The following CNKSR2 variants were observed in gnomAD, a reference collection of about 807,000 sequenced individuals.
The protein encoded by CNKSR2 is CNK homolog protein 2.
CNKSR2 carries 14 observed loss-of-function variants against 84.4 expected under a neutral mutation model. The observed-to-expected ratio is 0.17, with a 90% confidence interval of 0.11 to 0.26. The LOEUF is 0.26. Ranked by LOEUF, CNKSR2 falls within the 10% of genes least tolerant of loss-of-function variation. The probability of loss-of-function intolerance (pLI) is 1.00; values close to 1 mark genes in which losing one functional copy is unlikely to be tolerated. For missense variants in CNKSR2, 485 were observed against 771.2 expected (o/e 0.63, Z 4.40); for synonymous variants, 275 against 277.9 (o/e 0.99, Z 0.10).
chrX:21,633,532 A>C (rs2092657405), intron 20 of CNKSR2, among the ~76,000 whole-genome samples: 1 of 112,039 alleles, frequency 8.9e-6, no homozygotes, highest in Non-Finnish European at 1.9e-5. Flanking sequence ...ATGTTGTAGG[A>C]TACAGAGAAC....
At chrX:21,604,124 C>T (rs1602018329) in intron 18 of CNKSR2, among the ~76,000 whole-genome samples, 1 of 112,140 alleles carries the variant, frequency 8.9e-6, no homozygotes, top group East Asian at 2.8e-4. Context: ...ACTGAAATTT[C>T]TATGTAGCCT....
chrX:21,384,465 T>C (rs1043486932), intron 1 of CNKSR2, among the ~76,000 whole-genome samples: 2 of 112,227 alleles, frequency 1.8e-5, no homozygotes, highest in African/African-American at 3.2e-5. Context: ...TTGGGTTAGA[T>C]GATTTTTCTT....
intron 11 of CNKSR2, among the ~76,000 whole-genome samples, chrX:21,536,451 A>G (rs1474027926): frequency 9.0e-6 from 1 of 110,799 alleles, no homozygotes; most frequent in Admixed American, 9.6e-5. Context: ...TTATTCTTTA[A>G]AAGTTTGGTA....
intron 2 of CNKSR2, among the ~76,000 whole-genome samples, chrX:21,431,084 A>G (rs2090628442): frequency 8.9e-6 from 1 of 111,948 alleles, no homozygotes; most frequent in African/African-American, 3.2e-5. Flanking sequence ...TAGTGGTAAC[A>G]TACATAACTT....
At chrX:21,489,660 C>T (rs769370106) in intron 5 of CNKSR2, among the ~76,000 whole-genome samples, 1 of 112,003 alleles carries the variant, frequency 8.9e-6, no homozygotes, top group Admixed American at 9.5e-5. Context: ...ACAGTTAGTA[C>T]GAATGGATTT....
At chrX:21,386,549 A>T (rs1331385140) in intron 1 of CNKSR2, among the ~76,000 whole-genome samples, 1 of 112,362 alleles carries the variant, frequency 8.9e-6, no homozygotes, top group Non-Finnish European at 1.9e-5. Flanking sequence ...AAAGTGATAC[A>T]CATAATTTTG....
chrX:21,588,372 G>C (rs1046138700), intron 13 of CNKSR2, among the ~76,000 whole-genome samples: 1 of 112,381 alleles, frequency 8.9e-6, no homozygotes, highest in African/African-American at 3.2e-5. Context: ...AGACCTAACT[G>C]TATAGTTTTA....
intron 20 of CNKSR2, among the ~76,000 whole-genome samples, chrX:21,628,741 G>A (rs944163291): frequency 2.7e-5 from 3 of 111,324 alleles, no homozygotes; most frequent in Non-Finnish European, 3.8e-5. Flanking sequence ...CCCAGCCCAC[G>A]AAACCACTTT....
At chrX:21,432,885 T>C (rs1045244943) in intron 3 of CNKSR2, 71 bp downstream of exon 3, 27 of 1,086,295 alleles carry the variant, frequency 2.5e-5, no homozygotes, top group Non-Finnish European at 2.9e-5. Context: ...TTATTTTGCA[T>C]TTTGTTGTGA....
chrX:21,617,677 T>C (rs145882954), intron 20 of CNKSR2, among the ~76,000 whole-genome samples: 1 of 111,291 alleles, frequency 9.0e-6, no homozygotes, highest in African/African-American at 3.3e-5. Flanking sequence ...TTTAGTTGAT[T>C]ATCAGTTAGA....
intron 5 of CNKSR2, among the ~76,000 whole-genome samples, chrX:21,481,695 A>G (rs1459934545): frequency 1.8e-5 from 2 of 111,969 alleles, no homozygotes; most frequent in Non-Finnish European, 3.8e-5. Flanking sequence ...CCTTTAAAAC[A>G]AGATTCAAAG....
At chrX:21,584,316 C>T (rs1438776048) in intron 13 of CNKSR2, among the ~76,000 whole-genome samples, 1 of 112,208 alleles carries the variant, frequency 8.9e-6, no homozygotes, top group Non-Finnish European at 1.9e-5. Flanking sequence ...AACCTGTATT[C>T]TTTGCTGATG....
intron 1 of CNKSR2, among the ~76,000 whole-genome samples, chrX:21,395,737 G>A (rs1167301176): frequency 2.7e-5 from 3 of 111,520 alleles, no homozygotes; most frequent in Non-Finnish European, 5.7e-5. Flanking sequence ...TATAAGTGAT[G>A]AATGATAAAC....
At chrX:21,627,880 A>G (rs929501502) in intron 20 of CNKSR2, among the ~76,000 whole-genome samples, 4 of 111,008 alleles carry the variant, frequency 3.6e-5, no homozygotes, top group Admixed American at 1.9e-4. Flanking sequence ...TTCAAAACCA[A>G]TCCTGCCTTC....
chrX:21,582,396 T>C (rs113095712), intron 13 of CNKSR2, among the ~76,000 whole-genome samples: 1,137 of 112,146 alleles, frequency 0.01, 11 homozygotes, highest in African/African-American at 0.034. Flanking sequence ...TCACCTGTCA[T>C]GAGATGTTTT....
chrX:21,436,168 G>T (rs1460390657), intron 3 of CNKSR2, among the ~76,000 whole-genome samples: 1 of 111,400 alleles, frequency 9.0e-6, no homozygotes, highest in Non-Finnish European at 1.9e-5. Context: ...TCTCTCATGT[G>T]CTCATTGTTT....
intron 20 of CNKSR2, among the ~76,000 whole-genome samples, chrX:21,627,574 C>G (rs753681018): frequency 5.4e-5 from 6 of 111,910 alleles, no homozygotes; most frequent in Non-Finnish European, 1.1e-4. Context: ...CTGGGGAGGC[C>G]TCACAGTCAT....
At chrX:21,557,403 A>G (rs1487385995) in intron 11 of CNKSR2, among the ~76,000 whole-genome samples, 1 of 111,105 alleles carries the variant, frequency 9.0e-6, no homozygotes, top group Non-Finnish European at 1.9e-5. Flanking sequence ...AAATCCAAAA[A>G]ATAGTTATCT....
At chrX:21,616,226 G>A (rs1010050956) in intron 20 of CNKSR2, among the ~76,000 whole-genome samples, 3 of 110,457 alleles carry the variant, frequency 2.7e-5, no homozygotes, top group African/African-American at 9.9e-5. Flanking sequence ...ATTAAATATT[G>A]TTCACAGATT....
Sources: gnomAD v4.1 joint callset for allele counts (sites outside exome capture counted in the v4.1 genomes callset) on GRCh38, gnomAD v4.1.1 for gene constraint, MANE v1.5 for transcripts, NCBI Gene and HGNC (gene_info 2026-07-23, HGNC 2026-07-21) for gene names.